SCAI: variants seen among roughly 807,000 people sequenced by gnomAD.
SCAI encodes the protein suppressor of cancer cell invasion.
In SCAI, 24 loss-of-function variants were observed where a neutral mutation model predicts 92.2. The observed-to-expected ratio is 0.26, with a 90% CI of 0.19 to 0.37. SCAI has a LOEUF of 0.37. Among genes scored for constraint, SCAI ranks in the 10% least tolerant of loss-of-function variants. The pLI is 1.00. For synonymous variants in SCAI, 261 were observed against 258.6 expected, an observed-to-expected ratio of 1.01 and a Z score of -0.09; for missense variants, 450 against 736.2, an observed-to-expected ratio of 0.61 and a Z score of 4.50.
intron 2 of SCAI, among the ~76,000 whole-genome samples, chr9:125,071,747 A>G (rs776068767): frequency 1.3e-5 from 2 of 152,230 alleles, no homozygotes; most frequent in African/African-American, 2.4e-5. Flanking sequence ...GCAGGAAAAA[A>G]AAAGAACACA....
At chr9:125,047,400 A>G (rs1833465730) in intron 3 of SCAI, among the ~76,000 whole-genome samples, 2 of 152,118 alleles carry the variant, frequency 1.3e-5, no homozygotes, top group African/African-American at 4.8e-5. Context: ...GAGAAAATGC[A>G]TTTCTGTTGT....
chr9:124,967,440 C>G (rs1474584833), intron 17 of SCAI, among the ~76,000 whole-genome samples: 2 of 152,164 alleles, frequency 1.3e-5, no homozygotes, highest in Non-Finnish European at 2.9e-5. Context: ...TGAACTACGT[C>G]TAGGACCAGG....
chr9:125,029,640 T>C lies in SCAI; in HGVS notation c.326+4A>G. The C allele has an allele frequency of 6.3e-7, 1 of 1,598,328 alleles. No individual in the cohort carries two copies. Among genetic ancestry groups the C allele is most frequent in the Non-Finnish European group, 8.6e-7 (1 of 1,167,114 alleles). ...ACTCTCCTTTAACTATAAAATTCAT[T>C]TACCGATGCTGCTGCTGGAACTTCC... On this transcript the variant is annotated splice_donor_region_variant and intron_variant, in intron 4 of 17. Coordinates refer to ENST00000336505, the MANE Select transcript of SCAI (RefSeq NM_001144877.3).
intron 3 of SCAI, among the ~76,000 whole-genome samples, chr9:125,045,276 G>C (rs1833411723): frequency 6.6e-6 from 1 of 152,216 alleles, no homozygotes; most frequent in African/African-American, 2.4e-5. Flanking sequence ...ATGTTGGCCA[G>C]GATGATCTCA....
Position 124,952,750 on chromosome 9 carries a change from T to G in SCAI, c.*57A>C. The G allele has an allele frequency of 4.8e-6, 7 of 1,464,190 alleles. No individual in the cohort carries two copies. Among genetic ancestry groups the G allele is most frequent in the Non-Finnish European group, 6.6e-6 (7 of 1,056,248 alleles). The allele number at this position is 1,464,190 out of a possible 1,614,324, so 90.7% of individuals were successfully genotyped here. ...TATGTGTCTTATCACGTTAGAAAAC[T>G]GCACCATTTAAAATTTGTGGAAAAT... is the stretch of plus-strand genomic sequence containing the variant. On this transcript the variant is annotated 3_prime_UTR_variant, in exon 18 of 18. Coordinates refer to ENST00000336505, the MANE Select transcript of SCAI (RefSeq NM_001144877.3).
intron 3 of SCAI, among the ~76,000 whole-genome samples, chr9:125,032,076 A>T (rs1376600763): frequency 1.3e-5 from 2 of 151,590 alleles, no homozygotes; most frequent in Non-Finnish European, 2.9e-5. Context: ...TTAAGAAAAG[A>T]AGTACAGGCT....
At position 125,098,931 on chromosome 9, in the gene SCAI, C is replaced by T. The variant is rs1411810148; in HGVS notation, c.99-42924G>A. On this transcript the variant is annotated intron_variant, in intron 2 of 17. Transcript: ENST00000336505. ...GAACATCTACGACATCAAAATTCTC[C>T]CTCCTGTTTCCAGTTCTTCTCAATT... Among the ~76,000 whole-genome samples the T allele has an allele frequency of 6.6e-5, 10 of 151,932 alleles. No homozygotes were observed. The East Asian group carries it at 1.2e-3, about 18-fold the overall frequency.
Position 124,963,757 on chromosome 9 carries a change from CAAAAAAAAAA to C in SCAI, c.1674+7603_1674+7612del, listed in dbSNP as rs36017738. On this transcript the variant is annotated intron_variant, in intron 17 of 17. Transcript: ENST00000336505. ...TGGGCAACAGAGTGAGAATCTGTCT[CAAAAAAAAAA>C]AAAAAAAAAAAAAAAGGAAAAAGAA... Among the ~76,000 whole-genome samples the C allele has an allele frequency of 5.0e-4, 26 of 52,282 alleles. No homozygotes were observed. The East Asian group carries it at 0.017, about 33-fold the overall frequency. The allele number at this position is 52,282 out of a possible 152,430, so 34.3% of individuals were successfully genotyped here.
At chr9:124,986,443 G>A (rs1831991602) in intron 14 of SCAI, among the ~76,000 whole-genome samples, 1 of 152,120 alleles carries the variant, frequency 6.6e-6, no homozygotes, top group Admixed American at 6.5e-5. Flanking sequence ...TTTGAACTAA[G>A]AGCTAGATCA....
At chr9:125,129,467 T>C (rs1311132630) in intron 2 of SCAI, among the ~76,000 whole-genome samples, 1 of 132,038 alleles carries the variant, frequency 7.6e-6, no homozygotes, top group Non-Finnish European at 1.6e-5. Flanking sequence ...TTTTTTTTTT[T>C]TTTTTTTTTT....
intron 4 of SCAI, 112 bp from the exon 5 acceptor site, chr9:125,028,590 T>C (rs1833009336): frequency 4.3e-6 from 2 of 465,778 alleles, no homozygotes; most frequent in East Asian, 7.2e-5. Flanking sequence ...AGCTAATGAA[T>C]TTTTCATTAG....
intron 3 of SCAI, among the ~76,000 whole-genome samples, chr9:125,037,856 C>T (rs952460607): frequency 2.0e-5 from 3 of 152,008 alleles, no homozygotes; most frequent in Non-Finnish European, 4.4e-5. Context: ...GCGGAGGTTG[C>T]AGTGAGCCGA....
chr9:124,955,717 GA>G (rs1364508206), intron 17 of SCAI, among the ~76,000 whole-genome samples: 1 of 151,618 alleles, frequency 6.6e-6, no homozygotes, highest in Non-Finnish European at 1.5e-5. Flanking sequence ...AGTTTACCAA[GA>G]CAGAAAAAGA....
intron 2 of SCAI, among the ~76,000 whole-genome samples, chr9:125,060,216 T>C (rs769667203): frequency 5.4e-5 from 8 of 149,160 alleles, no homozygotes; most frequent in Non-Finnish European, 1.2e-4. Flanking sequence ...GTGCTATAAA[T>C]GTGAGGTATA....
At chr9:125,127,499 G>A (rs1421431376) in intron 2 of SCAI, among the ~76,000 whole-genome samples, 2 of 151,628 alleles carry the variant, frequency 1.3e-5, no homozygotes, top group Non-Finnish European at 2.9e-5. Flanking sequence ...CAAAGTGCTG[G>A]GGTTACAGGT....
At chr9:124,986,025 C>T (rs999827530) in intron 14 of SCAI, among the ~76,000 whole-genome samples, 2 of 152,056 alleles carry the variant, frequency 1.3e-5, no homozygotes, top group African/African-American at 4.8e-5. Context: ...GGCGCGGTGG[C>T]TCATGCCTGT....
At chr9:125,114,720 C>T (rs1225811775) in intron 2 of SCAI, among the ~76,000 whole-genome samples, 1 of 150,740 alleles carries the variant, frequency 6.6e-6, no homozygotes, top group South Asian at 2.1e-4. Flanking sequence ...ATCCTCTCAC[C>T]TTGGCCTCTA....
rs1832566751 is a variant in SCAI at position 125,008,692 on chromosome 9, G to A, written c.862-5122C>T. On this transcript the variant is annotated intron_variant, in intron 9 of 17. Transcript: ENST00000336505. ...AAAAAATGATGAAAAATACAGAAAA[G>A]AATATAACAGACACACGTGGCACTG... Among the ~76,000 whole-genome samples the A allele has an allele frequency of 1.3e-5, 2 of 152,064 alleles. 1 individual carries two copies. Among genetic ancestry groups the A allele is most frequent in the South Asian group, 4.1e-4 (2 of 4,826 alleles).
At chr9:125,094,129 CA>C (rs1834498837) in intron 2 of SCAI, among the ~76,000 whole-genome samples, 1 of 152,182 alleles carries the variant, frequency 6.6e-6, no homozygotes, top group Non-Finnish European at 1.5e-5. Flanking sequence ...TAAAATATGT[CA>C]AATTCTATCA....
Sources: allele counts gnomAD v4.1 joint callset (sites outside exome capture counted in the v4.1 genomes callset), GRCh38; gene constraint gnomAD v4.1.1; transcripts MANE v1.5; gene names NCBI Gene and HGNC (gene_info 2026-07-23, HGNC 2026-07-21).